Variants in SLC38A4 observed in about 807,000 individuals in gnomAD.
SLC38A4 encodes the protein solute carrier family 38 member 4, also known as sodium-coupled neutral amino acid transporter 4.
SLC38A4 carries 20 observed loss-of-function variants against 63.1 expected under a neutral mutation model. That is an observed-to-expected ratio of 0.32 (90% CI 0.22 to 0.46). The LOEUF (loss-of-function observed/expected upper bound fraction) is 0.46, where lower values mean the gene tolerates loss of function less well. Ranked by LOEUF, SLC38A4 falls within the 20% of genes least tolerant of loss-of-function variation. The pLI is 1.00. For missense variants in SLC38A4, 526 were observed against 663.6 expected, an observed-to-expected ratio of 0.79 and a Z score of 2.28; for synonymous variants, 230 against 225.5, an observed-to-expected ratio of 1.02 and a Z score of -0.18.
upstream of SLC38A4, among the ~76,000 whole-genome samples, chr12:46,826,281 A>G (rs149888235): frequency 7.4e-3 from 1,123 of 152,340 alleles, 10 homozygotes; most frequent in Admixed American, 0.012. Context: ...AAATGACAGG[A>G]CAAACACAGG....
chr12:46,792,474 G>C (rs1182294490), intron 3 of SLC38A4, among the ~76,000 whole-genome samples: 1 of 152,098 alleles, frequency 6.6e-6, no homozygotes, highest in African/African-American at 2.4e-5. Flanking sequence ...TTTAGACACA[G>C]TAATGGTCCA....
chr12:46,770,090 T>C (rs1938386748), intron 14 of SLC38A4, among the ~76,000 whole-genome samples: 2 of 152,116 alleles, frequency 1.3e-5, no homozygotes, highest in South Asian at 2.1e-4. Flanking sequence ...GAATTTATTG[T>C]TAAAAATAAT....
intron 1 of SLC38A4, among the ~76,000 whole-genome samples, chr12:46,809,838 T>A (rs1307959329): frequency 6.6e-6 from 1 of 152,002 alleles, no homozygotes; most frequent in Non-Finnish European, 1.5e-5. Flanking sequence ...TCAAGTATGT[T>A]TAGATGGCCG....
Position 46,825,539 on chromosome 12 carries a change from G to T in SLC38A4, c.-305+364C>A, listed in dbSNP as rs147496659. On this transcript the variant is annotated intron_variant, in intron 1 of 16. Transcript: ENST00000266579. ...TGTTTTCCAGTGTTCTCAACCTTTGGATTGCTTTTCAGGCATTCACAAAGC... is the reference window on the plus strand; with the variant it reads ...TGTTTTCCAGTGTTCTCAACCTTTGTATTGCTTTTCAGGCATTCACAAAGC... 2.1e-4 allele frequency among the ~76,000 whole-genome samples: 32 copies of T among 152,232 alleles called. No homozygotes were observed. The East Asian group carries it at 3.9e-3, about 18-fold the overall frequency.
chr12:46,830,883 C>G (rs1298983778), upstream of SLC38A4, among the ~76,000 whole-genome samples: 1 of 152,234 alleles, frequency 6.6e-6, no homozygotes, highest in Non-Finnish European at 1.5e-5. Flanking sequence ...CTGTCCCGGC[C>G]CTAGCCGGGA....
intron 7 of SLC38A4, among the ~76,000 whole-genome samples, chr12:46,783,051 T>TGTGTGTGTGCGC (rs1555170940): frequency 7.1e-6 from 1 of 140,978 alleles, no homozygotes; most frequent in African/African-American, 2.7e-5. Context: ...TGTGTGTGTG[T>TGTGTGTGTGCGC]GTGTGTGTTA....
intron 14 of SLC38A4, 139 bp downstream of exon 14, chr12:46,774,910 C>G (rs1014814566): frequency 5.0e-6 from 5 of 1,004,352 alleles, no homozygotes; most frequent in African/African-American, 3.3e-5. Context: ...TTAAGTGACT[C>G]AAAATGCTAT....
intron 1 of SLC38A4, among the ~76,000 whole-genome samples, chr12:46,820,954 T>C (rs765835113): frequency 3.5e-4 from 54 of 152,276 alleles, no homozygotes; most frequent in South Asian, 1.2e-3. Context: ...TTCATATACC[T>C]GTTGGCCATT....
chr12:46,766,842 T>C (rs1310524975), intron 16 of SLC38A4, 40 bp from the exon 17 acceptor site: 2 of 1,385,460 alleles, frequency 1.4e-6, no homozygotes, highest in Non-Finnish European at 2.0e-6. Context: ...ACAGAAACCA[T>C]ACTTAGTACA....
intron 7 of SLC38A4, among the ~76,000 whole-genome samples, chr12:46,783,676 C>T (rs1938697638): frequency 6.6e-6 from 1 of 152,022 alleles, no homozygotes; most frequent in South Asian, 2.1e-4. Flanking sequence ...ACGCTGACAT[C>T]CAGATTTCTG....
chr12:46,772,785 AAAG>A (rs1288879548), intron 14 of SLC38A4, among the ~76,000 whole-genome samples: 2 of 152,112 alleles, frequency 1.3e-5, no homozygotes, highest in Admixed American at 6.6e-5. Context: ...TACCATGTTG[AAAG>A]AAGGAGAACA....
At chr12:46,831,435 C>G (rs1438078277) in intron 1 of SLC38A4, among the ~76,000 whole-genome samples, 2 of 152,252 alleles carry the variant, frequency 1.3e-5, no homozygotes, top group African/African-American at 2.4e-5. Context: ...TCTCTTAGCT[C>G]GGTTGCCGCG....
rs4575359 is a variant in SLC38A4, at chr12:46,814,159, A to C, written c.-304-10365T>G. On this transcript the variant is annotated intron_variant, in intron 1 of 16. Coordinates refer to ENST00000266579, the MANE Select transcript of SLC38A4 (RefSeq NM_018018.5). The stretch of plus-strand genomic sequence containing the variant: ...TATAAAAGTGAAATGACATTAGCAA[A>C]ATAGATTATAGAATTAAATTAGCTT... Among the ~76,000 whole-genome samples the C allele has an allele frequency of 2.8e-3, 432 of 152,098 alleles. 1 individual carries two copies. The highest frequency in any genetic ancestry group is 0.01 in the African/African-American group (422 of 41,538).
intron 1 of SLC38A4, among the ~76,000 whole-genome samples, chr12:46,807,897 C>CT (rs1026376632): frequency 1.8e-4 from 27 of 150,472 alleles, no homozygotes; most frequent in Admixed American, 1.4e-3. Flanking sequence ...TTACCCCCCC[C>CT]CCCAAAGCCA....
At chr12:46,825,076 A>C (rs1257742986) in intron 1 of SLC38A4, among the ~76,000 whole-genome samples, 2 of 151,644 alleles carry the variant, frequency 1.3e-5, no homozygotes, top group Non-Finnish European at 2.9e-5. Flanking sequence ...TATTGTACTA[A>C]AGTGTGTCAG....
intron 2 of SLC38A4, among the ~76,000 whole-genome samples, chr12:46,800,589 T>C (rs1246091160): frequency 2.0e-5 from 3 of 152,082 alleles, no homozygotes; most frequent in Non-Finnish European, 2.9e-5. Context: ...TGTCCTGCTC[T>C]GACCCCACAT....
chr12:46,831,117 G>T lies in SLC38A4; in HGVS notation c.-108+1210C>A, dbSNP rs540744376. ...TCTCTGCCTGCTGGATCACAAAGAGGAGCTGGGAGATTCGCCGTTTTCCCC... is the reference window on the plus strand; with the variant it reads ...TCTCTGCCTGCTGGATCACAAAGAGTAGCTGGGAGATTCGCCGTTTTCCCC... On this transcript the variant is annotated intron_variant, in intron 1 of 6. Coordinates refer to the SLC38A4 transcript ENST00000546940. Among the ~76,000 whole-genome samples, 8 of 152,308 alleles carry T rather than the reference G, an allele frequency of 5.3e-5. No individual in the cohort carries two copies. In the East Asian group the frequency reaches 1.5e-3, roughly 29 times the overall value.
At chr12:46,820,431 G>A (rs561162652) in intron 1 of SLC38A4, among the ~76,000 whole-genome samples, 2 of 152,100 alleles carry the variant, frequency 1.3e-5, no homozygotes, top group South Asian at 4.1e-4. Flanking sequence ...TGCAGGATTT[G>A]TCCTTCTGTG....
chr12:46,804,141 C>A (rs999891742), intron 1 of SLC38A4, among the ~76,000 whole-genome samples: 1 of 151,910 alleles, frequency 6.6e-6, no homozygotes, highest in African/African-American at 2.4e-5. Context: ...AGTTGTTGAT[C>A]TTTTCAGAGA....
Sources: gnomAD v4.1 joint callset for allele counts (sites outside exome capture counted in the v4.1 genomes callset) on GRCh38, gnomAD v4.1.1 for gene constraint, MANE v1.5 for transcripts, NCBI Gene and HGNC (gene_info 2026-07-23, HGNC 2026-07-21) for gene names.